Variants in HNRNPC observed in about 807,000 individuals in gnomAD.
HNRNPC encodes the protein heterogeneous nuclear ribonucleoprotein C.
In HNRNPC, 3 loss-of-function variants were observed where a neutral mutation model predicts 33.2. The ratio of observed to expected loss-of-function variants is 0.09; its 90% CI spans 0.04 to 0.23. The LOEUF is 0.23. Among genes scored for constraint, HNRNPC ranks in the 10% least tolerant of loss-of-function variants. HNRNPC has a pLI of 1.00. For missense variants in HNRNPC, 143 were observed against 366.7 expected, an observed-to-expected ratio of 0.39 and a Z score of 4.98; for synonymous variants, 121 against 126.7, an observed-to-expected ratio of 0.96 and a Z score of 0.30.
At chr14:21,243,555 C>A (rs1289018185) in intron 2 of HNRNPC, among the ~76,000 whole-genome samples, 1 of 152,180 alleles carries the variant, frequency 6.6e-6, no homozygotes, top group Non-Finnish European at 1.5e-5. Flanking sequence ...TCTGTCAAAT[C>A]TGCTTATGTA....
At chr14:21,215,530 G>C (rs1892062003) in intron 5 of HNRNPC, among the ~76,000 whole-genome samples, 1 of 152,198 alleles carries the variant, frequency 6.6e-6, no homozygotes, top group Non-Finnish European at 1.5e-5. Flanking sequence ...AATCAAACTT[G>C]ATGGTGTTGG....
chr14:21,219,108 C>CAAAA lies in HNRNPC; in HGVS notation c.366-5995_366-5992dup, dbSNP rs555837563. 2.6e-3 allele frequency among the ~76,000 whole-genome samples: 246 copies of CAAAA among 96,368 alleles called. 1 individual carries two copies. Among genetic ancestry groups the CAAAA allele is most frequent in the African/African-American group, 8.5e-3 (223 of 26,322 alleles). 63.2% of individuals were successfully genotyped at this position (96,368 alleles called of 152,430 possible). ...CTGGGAACAGAGCGAGACTCTTTCT[C>CAAAA]AAAAAAAAAAAAAAAAGAAGAAAAA... is the stretch of plus-strand genomic sequence containing the variant. On this transcript the variant is annotated intron_variant, in intron 5 of 8. Coordinates refer to ENST00000553300, the MANE Select transcript of HNRNPC (RefSeq NM_004500.4).
intron 5 of HNRNPC, among the ~76,000 whole-genome samples, chr14:21,216,662 T>C (rs1237037184): frequency 6.6e-6 from 1 of 151,844 alleles, no homozygotes; most frequent in African/African-American, 2.4e-5. Context: ...TGAGTCAAGA[T>C]CCCACCACTG....
chr14:21,252,191 G>C (rs920922543), intron 2 of HNRNPC, among the ~76,000 whole-genome samples: 2 of 152,138 alleles, frequency 1.3e-5, no homozygotes, highest in East Asian at 3.9e-4. Context: ...GTTAGCAAAA[G>C]AACAAATAAA....
At chr14:21,223,262 G>A (rs1013975023) in intron 5 of HNRNPC, among the ~76,000 whole-genome samples, 3 of 152,036 alleles carry the variant, frequency 2.0e-5, no homozygotes, top group Non-Finnish European at 4.4e-5. Flanking sequence ...ATGCCCTCAA[G>A]AAGATTCATA....
chr14:21,264,207 G>T (rs1878620837), intron 1 of HNRNPC: 1 of 152,082 alleles, frequency 6.6e-6, no homozygotes, highest in African/African-American at 2.4e-5. Context: ...GCAGATTCAT[G>T]GGTTTTAAAC....
At chr14:21,217,536 T>C (rs1892325063) in intron 5 of HNRNPC, among the ~76,000 whole-genome samples, 1 of 152,210 alleles carries the variant, frequency 6.6e-6, no homozygotes, top group Non-Finnish European at 1.5e-5. Context: ...AAATAGATTA[T>C]TACCACATTG....
chr14:21,227,607 G>A (rs1424649254), intron 5 of HNRNPC, among the ~76,000 whole-genome samples: 2 of 152,190 alleles, frequency 1.3e-5, no homozygotes, highest in East Asian at 3.8e-4. Flanking sequence ...TTGAAAATCT[G>A]AAGAGGCCAC....
intron 2 of HNRNPC, among the ~76,000 whole-genome samples, chr14:21,253,509 A>G (rs1896895788): frequency 6.7e-6 from 1 of 149,896 alleles, no homozygotes; most frequent in African/African-American, 2.5e-5. Context: ...ATGTGCATGC[A>G]CCTGAAAACA....
chr14:21,246,753 T>C (rs1320390812), intron 2 of HNRNPC, among the ~76,000 whole-genome samples: 1 of 152,136 alleles, frequency 6.6e-6, no homozygotes, highest in Non-Finnish European at 1.5e-5. Context: ...CCTTGAACAA[T>C]ATGGGTTTAT....
intron 5 of HNRNPC, among the ~76,000 whole-genome samples, chr14:21,222,708 C>T (rs184680382): frequency 3.0e-4 from 45 of 151,808 alleles, no homozygotes; most frequent in African/African-American, 1.1e-3. Flanking sequence ...CTGGCAAATA[C>T]GGTGAAACTG....
intron 5 of HNRNPC, among the ~76,000 whole-genome samples, chr14:21,222,495 C>G (rs1892936912): frequency 6.6e-6 from 1 of 152,092 alleles, no homozygotes; most frequent in East Asian, 1.9e-4. Flanking sequence ...ATGGTTCATC[C>G]GTGTTGTACC....
intron 5 of HNRNPC, among the ~76,000 whole-genome samples, chr14:21,226,380 A>G (rs569101654): frequency 6.6e-6 from 1 of 151,958 alleles, no homozygotes; most frequent in South Asian, 2.1e-4. Flanking sequence ...GCTGTTGACG[A>G]ACATCAATTT....
chr14:21,227,494 T>C (rs1399860367), intron 5 of HNRNPC, among the ~76,000 whole-genome samples: 1 of 152,242 alleles, frequency 6.6e-6, no homozygotes, highest in Non-Finnish European at 1.5e-5. Context: ...CAGTAACTAC[T>C]AGTATCGGCT....
chr14:21,212,908 C>T, intron 6 of HNRNPC, 52 bp downstream of exon 6: 3 of 1,596,576 alleles, frequency 1.9e-6, no homozygotes, highest in South Asian at 1.1e-5. Context: ...CATTAGCTTC[C>T]CTATCTCAAA....
intron 1 of HNRNPC, among the ~76,000 whole-genome samples, chr14:21,268,885 G>C (rs776435110): frequency 5.9e-5 from 9 of 151,970 alleles, no homozygotes; most frequent in Non-Finnish European, 1.2e-4. Context: ...ACATCTACTT[G>C]GTAACCTTCC....
At chr14:21,252,528 G>T (rs1256931537) in intron 2 of HNRNPC, among the ~76,000 whole-genome samples, 1 of 152,148 alleles carries the variant, frequency 6.6e-6, no homozygotes, top group African/African-American at 2.4e-5. Context: ...GGCCAGGCTG[G>T]TCTCGAACTC....
At chr14:21,253,218 T>C (rs1169457076) in intron 2 of HNRNPC, among the ~76,000 whole-genome samples, 1 of 147,972 alleles carries the variant, frequency 6.8e-6, no homozygotes, top group South Asian at 2.1e-4. Flanking sequence ...GGCTCACGCC[T>C]GTAATCCCAG....
At chr14:21,226,344 AAG>A (rs1402823323) in intron 5 of HNRNPC, among the ~76,000 whole-genome samples, 54 of 146,198 alleles carry the variant, frequency 3.7e-4, no homozygotes, top group Middle Eastern at 3.5e-3. Context: ...AAAAAAAAAA[AAG>A]AAAGAAAGAA....
Sources: allele counts gnomAD v4.1 joint callset (sites outside exome capture counted in the v4.1 genomes callset), GRCh38; gene constraint gnomAD v4.1.1; transcripts MANE v1.5; gene names NCBI Gene and HGNC (gene_info 2026-07-23, HGNC 2026-07-21).